The following C1orf21 variants were observed in gnomAD, a reference collection of about 807,000 sequenced individuals.
The protein encoded by C1orf21 is chromosome 1 open reading frame 21.
A neutral mutation model predicts 18.7 loss-of-function variants in C1orf21; 3 were observed. The observed-to-expected ratio is 0.16, with a 90% CI of 0.07 to 0.42. C1orf21 has a LOEUF of 0.42. Among genes scored for constraint, C1orf21 ranks in the 10% least tolerant of loss-of-function variants. The pLI is 0.99. For synonymous variants in C1orf21, 41 were observed against 46.4 expected, an observed-to-expected ratio of 0.88 and a Z score of 0.47; for missense variants, 104 against 143.6, an observed-to-expected ratio of 0.72 and a Z score of 1.41.
intron 3 of C1orf21, among the ~76,000 whole-genome samples, chr1:184,548,897 A>G (rs1165932780): frequency 1.3e-5 from 2 of 152,174 alleles, no homozygotes; most frequent in African/African-American, 4.8e-5. Context: ...TAAAATTACC[A>G]TAGTTATCAG....
At chr1:184,606,445 T>C (rs189604000) in intron 5 of C1orf21, among the ~76,000 whole-genome samples, 189 of 152,260 alleles carry the variant, frequency 1.2e-3, no homozygotes, top group African/African-American at 4.5e-3. Flanking sequence ...CCAGGTATGG[T>C]GGCATTCACC....
rs371883811 is a variant in C1orf21 at position 184,395,210 on chromosome 1, C to G, written c.-125+7842C>G. ...TATTATATATATTTTTGTCCCCAGC[C>G]AAATGTAAACCCTTCTATTGTGCCC... On this transcript the variant is annotated intron_variant, in intron 1 of 5. Transcript: ENST00000235307. 4.6e-5 allele frequency among the ~76,000 whole-genome samples: 7 copies of G among 152,084 alleles called. No homozygotes were observed. The East Asian group carries it at 9.7e-4, about 21-fold the overall frequency.
chr1:184,494,751 A>G (rs1453122219), intron 2 of C1orf21, among the ~76,000 whole-genome samples: 1 of 152,164 alleles, frequency 6.6e-6, no homozygotes, highest in Non-Finnish European at 1.5e-5. Context: ...TGGAATGAAA[A>G]ATGAAATTTG....
Position 184,606,932 on chromosome 1 carries a change from T to A in C1orf21, c.327+8471T>A, listed in dbSNP as rs144004525. The stretch of plus-strand genomic sequence containing the variant: ...TAGCAAAGAATGAGACATTCCCGTT[T>A]ATATCAGCTGGGAAGGAATTATGAG... On this transcript the variant is annotated intron_variant, in intron 5 of 5. Coordinates refer to ENST00000235307, the MANE Select transcript of C1orf21 (RefSeq NM_030806.4). Among the ~76,000 whole-genome samples the A allele has an allele frequency of 7.6e-3, 1,151 of 152,346 alleles. 6 individuals are homozygous for A. The highest frequency in any genetic ancestry group is 0.02 in the Middle Eastern group (6 of 294).
At chr1:184,603,379 C>T (rs1371624619) in intron 5 of C1orf21, among the ~76,000 whole-genome samples, 1 of 152,228 alleles carries the variant, frequency 6.6e-6, no homozygotes, top group Admixed American at 6.5e-5. Flanking sequence ...ATGCCTAGTG[C>T]ATCTCACATA....
At chr1:184,599,925 A>G (rs185251470) in intron 5 of C1orf21, among the ~76,000 whole-genome samples, 1 of 152,280 alleles carries the variant, frequency 6.6e-6, no homozygotes, top group Non-Finnish European at 1.5e-5. Flanking sequence ...TGAACTTCAA[A>G]ACACTTCTGG....
intron 1 of C1orf21, among the ~76,000 whole-genome samples, chr1:184,393,284 C>T (rs1371960949): frequency 3.3e-5 from 5 of 152,218 alleles, no homozygotes; most frequent in African/African-American, 1.2e-4. Flanking sequence ...CTTCTTGCTT[C>T]CAGCCCAGTG....
chr1:184,408,391 C>T (rs756687258), intron 1 of C1orf21: 3 of 152,170 alleles, frequency 2.0e-5, no homozygotes, highest in Non-Finnish European at 4.4e-5. Flanking sequence ...ATTAAATAGA[C>T]GGCCAGCCGA....
intron 1 of C1orf21, among the ~76,000 whole-genome samples, chr1:184,472,909 A>G (rs889495452): frequency 3.2e-4 from 49 of 152,238 alleles, no homozygotes; most frequent in African/African-American, 1.1e-3. Flanking sequence ...AAGAATAAAC[A>G]TGCACGGTTA....
chr1:184,578,753 C>A (rs1409048357), intron 3 of C1orf21, among the ~76,000 whole-genome samples: 1 of 151,984 alleles, frequency 6.6e-6, no homozygotes, highest in Non-Finnish European at 1.5e-5. Context: ...GTTCTGTGAT[C>A]AAGAATACAT....
At chr1:184,491,506 A>C (rs1416371555) in intron 2 of C1orf21, among the ~76,000 whole-genome samples, 7 of 152,010 alleles carry the variant, frequency 4.6e-5, no homozygotes, top group Non-Finnish European at 1.0e-4. Flanking sequence ...CAAGCCCCCC[A>C]TGCCCAGCTA....
At chr1:184,583,179 C>T (rs1659300989) in intron 3 of C1orf21, among the ~76,000 whole-genome samples, 1 of 152,154 alleles carries the variant, frequency 6.6e-6, no homozygotes, top group African/African-American at 2.4e-5. Context: ...TTTTCACTGT[C>T]CCTTTGGGAG....
chr1:184,396,391 A>G (rs1190127857), intron 1 of C1orf21, among the ~76,000 whole-genome samples: 1 of 152,158 alleles, frequency 6.6e-6, no homozygotes, highest in Non-Finnish European at 1.5e-5. Context: ...AGGATTTAGG[A>G]AGCAGAACTG....
At chr1:184,451,052 A>G (rs927642544) in intron 1 of C1orf21, among the ~76,000 whole-genome samples, 1 of 152,096 alleles carries the variant, frequency 6.6e-6, no homozygotes, top group Non-Finnish European at 1.5e-5. Flanking sequence ...TAATTTTTGT[A>G]TTTTTAGTAG....
chr1:184,477,641 C>T (rs780313588), intron 2 of C1orf21, 38 bp downstream of exon 2: 1 of 1,534,900 alleles, frequency 6.5e-7, no homozygotes, highest in Admixed American at 1.9e-5. Context: ...CCCATTGATT[C>T]TAGGCCTTTC....
chr1:184,610,264 C>T (rs770797509), intron 5 of C1orf21, among the ~76,000 whole-genome samples: 1 of 152,222 alleles, frequency 6.6e-6, no homozygotes, highest in Non-Finnish European at 1.5e-5. Flanking sequence ...CTCAGCCATA[C>T]TCATTCATTT....
intron 5 of C1orf21, among the ~76,000 whole-genome samples, chr1:184,609,873 G>C (rs1659701656): frequency 6.6e-6 from 1 of 152,192 alleles, no homozygotes; most frequent in African/African-American, 2.4e-5. Flanking sequence ...TTTGAAGACT[G>C]ATTGGGAAGA....
chr1:184,397,240 G>A (rs958496578), intron 1 of C1orf21, among the ~76,000 whole-genome samples: 1 of 152,182 alleles, frequency 6.6e-6, no homozygotes, highest in African/African-American at 2.4e-5. Context: ...TTAAATAGAT[G>A]TGGGAACGTT....
chr1:184,447,181 C>G (rs915235578), intron 1 of C1orf21, among the ~76,000 whole-genome samples: 4 of 152,154 alleles, frequency 2.6e-5, no homozygotes, highest in Non-Finnish European at 5.9e-5. Context: ...TGTCTCCTTC[C>G]TCAGTCCTCT....
Sources: allele counts gnomAD v4.1 joint callset (sites outside exome capture counted in the v4.1 genomes callset), GRCh38; gene constraint gnomAD v4.1.1; transcripts MANE v1.5; gene names NCBI Gene and HGNC (gene_info 2026-07-23, HGNC 2026-07-21).